DHX35: variants seen among roughly 807,000 people sequenced by gnomAD.
DHX35 encodes DEAH-box helicase 35, also known as probable ATP-dependent RNA helicase DHX35.
DHX35 carries 84 observed loss-of-function variants against 99.6 expected under a neutral mutation model. The ratio of observed to expected loss-of-function variants is 0.84; its 90% confidence interval spans 0.71 to 1.01. The LOEUF (loss-of-function observed/expected upper bound fraction) is 1.01. DHX35 is among the 50% of genes least tolerant of loss of function. The probability of loss-of-function intolerance (pLI) is 0.00; values close to 1 mark genes in which losing one functional copy is unlikely to be tolerated. For missense variants in DHX35, 852 were observed against 888.5 expected, an observed-to-expected ratio of 0.96 and a Z score of 0.52; for synonymous variants, 331 against 316.2, an observed-to-expected ratio of 1.05 and a Z score of -0.50.
chr20:38,962,465 C>CGCGGCCG, intron 1 of DHX35, 58 bp downstream of exon 1: 2 of 1,583,414 alleles, frequency 1.3e-6, no homozygotes, highest in South Asian at 2.3e-5. Context: ...GTCTTGGCGC[C>CGCGGCCG]GCGGCCGGCG....
chr20:39,005,272 A>T (rs2086596046), intron 11 of DHX35, among the ~76,000 whole-genome samples: 1 of 152,218 alleles, frequency 6.6e-6, no homozygotes, highest in Non-Finnish European at 1.5e-5. Context: ...TAAAATTCAA[A>T]TACCTCATGG....
chr20:38,982,231 A>G (rs1355978136), intron 3 of DHX35, among the ~76,000 whole-genome samples: 2 of 152,196 alleles, frequency 1.3e-5, no homozygotes, highest in Non-Finnish European at 2.9e-5. Context: ...CTTATCATCT[A>G]CAGTATATTT....
At chr20:38,997,563 C>T (rs764559026) in intron 8 of DHX35, among the ~76,000 whole-genome samples, 2 of 152,062 alleles carry the variant, frequency 1.3e-5, no homozygotes, top group Non-Finnish European at 2.9e-5. Context: ...TGCTGTGGTA[C>T]GGGACATGCT....
At chr20:39,038,427 A>G in intron 21 of DHX35, 72 bp from the exon 22 acceptor site, 1 of 1,506,640 alleles carries the variant, frequency 6.6e-7, no homozygotes, top group Admixed American at 1.7e-5. Context: ...GGTCATTCAT[A>G]TGGGGATTAT....
chr20:39,010,547 T>G, intron 13 of DHX35, 143 bp downstream of exon 13: 1 of 1,180,922 alleles, frequency 8.5e-7, no homozygotes, highest in South Asian at 1.6e-5. Flanking sequence ...AACCAGGCCC[T>G]GTGCAGGACG....
chr20:39,018,143 A>G (rs1176402533), intron 14 of DHX35, among the ~76,000 whole-genome samples: 4 of 152,142 alleles, frequency 2.6e-5, no homozygotes, highest in Admixed American at 2.6e-4. Context: ...CGCCCTTGAC[A>G]TGTTTACAAT....
At chr20:39,013,280 T>C (rs1261118775) in intron 13 of DHX35, among the ~76,000 whole-genome samples, 1 of 152,216 alleles carries the variant, frequency 6.6e-6, no homozygotes, top group Non-Finnish European at 1.5e-5. Flanking sequence ...ACAATTTAAT[T>C]GCCCAGCAAT....
At chr20:39,002,411 G>A (rs2086535483) in intron 9 of DHX35, among the ~76,000 whole-genome samples, 1 of 152,180 alleles carries the variant, frequency 6.6e-6, no homozygotes, top group Non-Finnish European at 1.5e-5. Context: ...CATAGATGCT[G>A]CTATTGGTTA....
chr20:38,983,893 AG>A (rs1310847171), intron 4 of DHX35, 117 bp downstream of exon 4: 10 of 821,042 alleles, frequency 1.2e-5, no homozygotes, highest in Non-Finnish European at 1.7e-5. Context: ...TTAGGTCTTC[AG>A]TTTTTATGTT....
At chr20:39,036,705 G>A (rs770883029) in intron 21 of DHX35, among the ~76,000 whole-genome samples, 5 of 121,708 alleles carry the variant, frequency 4.1e-5, no homozygotes, top group African/African-American at 9.7e-5. Flanking sequence ...CAGCCTAGGC[G>A]ACAGAGCAAG....
At chr20:38,998,556 G>A (rs1363886113) in intron 8 of DHX35, among the ~76,000 whole-genome samples, 2 of 152,134 alleles carry the variant, frequency 1.3e-5, no homozygotes, top group East Asian at 3.8e-4. Context: ...GCCTTTTTAT[G>A]ATGTATGCTT....
intron 7 of DHX35, among the ~76,000 whole-genome samples, 167 bp from the exon 8 acceptor site, chr20:38,994,654 A>G (rs1279792094): frequency 8.1e-6 from 1 of 123,868 alleles, no homozygotes; most frequent in Non-Finnish European, 1.6e-5. Flanking sequence ...TTTATTGACA[A>G]TTATTAATTT....
chr20:38,963,419 G>C (rs953181176), intron 1 of DHX35, among the ~76,000 whole-genome samples: 3 of 152,204 alleles, frequency 2.0e-5, no homozygotes, highest in African/African-American at 7.2e-5. Flanking sequence ...AGTGATGTGA[G>C]AGATAAACCC....
At chr20:38,973,696 T>C in intron 3 of DHX35, among the ~76,000 whole-genome samples, 1 of 152,078 alleles carries the variant, frequency 6.6e-6, no homozygotes. Flanking sequence ...ACAGCCAGTG[T>C]GCCAGATGCA....
At chr20:38,973,830 G>A (rs1158571728) in intron 3 of DHX35, among the ~76,000 whole-genome samples, 2 of 152,178 alleles carry the variant, frequency 1.3e-5, no homozygotes, top group Non-Finnish European at 2.9e-5. Flanking sequence ...GAGACCCTAC[G>A]ATCCTCAAAA....
intron 3 of DHX35, among the ~76,000 whole-genome samples, chr20:38,976,651 TAA>T (rs1481990335): frequency 6.6e-6 from 1 of 152,164 alleles, no homozygotes; most frequent in East Asian, 1.9e-4. Context: ...ACATTATTGT[TAA>T]CTATAGTCAC....
intron 8 of DHX35, among the ~76,000 whole-genome samples, chr20:38,995,459 G>A (rs978859221): frequency 6.6e-6 from 1 of 152,058 alleles, no homozygotes; most frequent in Non-Finnish European, 1.5e-5. Flanking sequence ...GGGAGGCAGA[G>A]GTTGCAGTGA....
rs561406046 is a variant in DHX35, at chr20:39,034,112, C to A, written c.1956-94C>A. On this transcript the variant is annotated intron_variant, in intron 20 of 21. Coordinates refer to ENST00000252011, the MANE Select transcript of DHX35 (RefSeq NM_021931.4). ...CAGTGTCTGGCACATAGAGTAGAACCTGTTAAAGGTTAAAGGAAACAGCAT... is the reference window on the plus strand; with the variant it reads ...CAGTGTCTGGCACATAGAGTAGAACATGTTAAAGGTTAAAGGAAACAGCAT... 3.4e-6 allele frequency: 3 copies of A among 883,352 alleles called. No individual in the cohort carries two copies. The South Asian group carries it at 4.3e-5, about 13-fold the overall frequency. The allele number at this position is 883,352 out of a possible 1,614,324, so 54.7% of individuals were successfully genotyped here. A position where few individuals can be genotyped will look rare whatever the true frequency, so the allele number is the denominator to read the frequency against.
At chr20:38,981,704 C>T (rs1479010879) in intron 3 of DHX35, among the ~76,000 whole-genome samples, 3 of 151,762 alleles carry the variant, frequency 2.0e-5, no homozygotes, top group South Asian at 2.1e-4. Context: ...GCACTTTGGG[C>T]GGCCAAAGTG....
Sources: allele counts gnomAD v4.1 joint callset (sites outside exome capture counted in the v4.1 genomes callset), GRCh38; gene constraint gnomAD v4.1.1; transcripts MANE v1.5; gene names NCBI Gene and HGNC (gene_info 2026-07-23, HGNC 2026-07-21).